The following EXOC6B variants were observed in gnomAD, a reference collection of about 807,000 sequenced individuals.
EXOC6B encodes SEC15 homolog B.
In EXOC6B, 54 loss-of-function variants were observed where a neutral mutation model predicts 113.5. The observed-to-expected ratio is 0.48, with a 90% confidence interval of 0.38 to 0.60. The LOEUF (loss-of-function observed/expected upper bound fraction) is 0.60. Among genes scored for constraint, EXOC6B ranks in the 20% least tolerant of loss-of-function variants. EXOC6B has a pLI of 0.00. For missense variants in EXOC6B, 797 were observed against 977.5 expected (o/e 0.82, Z 2.46); for synonymous variants, 357 against 339.0 (o/e 1.05, Z -0.58).
chr2:72,503,785 G>A (rs1700456280), intron 11 of EXOC6B, among the ~76,000 whole-genome samples: 1 of 152,144 alleles, frequency 6.6e-6, no homozygotes. Context: ...CCTCAAAGCT[G>A]GCTGTACCAT....
At chr2:72,743,144 CAT>C (rs1376982946) in intron 1 of EXOC6B, among the ~76,000 whole-genome samples, 2 of 152,110 alleles carry the variant, frequency 1.3e-5, no homozygotes, top group African/African-American at 4.8e-5. Flanking sequence ...ACCTCCGAAA[CAT>C]GTCTTAACAT....
intron 8 of EXOC6B, among the ~76,000 whole-genome samples, chr2:72,557,486 T>C (rs899975001): frequency 7.2e-5 from 11 of 152,216 alleles, no homozygotes; most frequent in African/African-American, 1.2e-4. Context: ...AATGAGATCA[T>C]GTCTTTTGCA....
intron 6 of EXOC6B, among the ~76,000 whole-genome samples, chr2:72,618,948 C>T (rs1468507816): frequency 5.3e-5 from 8 of 152,300 alleles, no homozygotes; most frequent in Non-Finnish European, 8.8e-5. Flanking sequence ...ATAACAGGAA[C>T]TGATTTAGGA....
chr2:72,650,630 AAAGAG>A (rs1387116863), intron 6 of EXOC6B, among the ~76,000 whole-genome samples: 4 of 151,956 alleles, frequency 2.6e-5, no homozygotes, highest in Non-Finnish European at 5.9e-5. Context: ...AAAGAAAAGA[AAAGAG>A]AAAAGAAAAA....
intron 1 of EXOC6B, among the ~76,000 whole-genome samples, chr2:72,778,331 C>T (rs1029800068): frequency 6.6e-6 from 1 of 152,106 alleles, no homozygotes; most frequent in African/African-American, 2.4e-5. Context: ...AAAAGATTAA[C>T]TGAACAAACC....
intron 18 of EXOC6B, among the ~76,000 whole-genome samples, chr2:72,418,888 CT>C (rs1373763725): frequency 6.6e-6 from 1 of 152,122 alleles, no homozygotes; most frequent in African/African-American, 2.4e-5. Flanking sequence ...CTGTCCCCCC[CT>C]TATTTCCTGC....
At chr2:72,185,869 T>C (rs1049004942) in intron 20 of EXOC6B, among the ~76,000 whole-genome samples, 1 of 152,054 alleles carries the variant, frequency 6.6e-6, no homozygotes, top group Non-Finnish European at 1.5e-5. Flanking sequence ...ATTATGTATA[T>C]CTCCTAATGC....
At chr2:72,734,888 C>A (rs867501679) in intron 2 of EXOC6B, among the ~76,000 whole-genome samples, 1 of 152,142 alleles carries the variant, frequency 6.6e-6, no homozygotes, top group African/African-American at 2.4e-5. Flanking sequence ...AGACACTATA[C>A]CCCATACCTG....
chr2:72,650,037 C>T (rs6740390), intron 6 of EXOC6B, among the ~76,000 whole-genome samples: 1 of 152,058 alleles, frequency 6.6e-6, no homozygotes, highest in Non-Finnish European at 1.5e-5. Flanking sequence ...GCGCGGGGCA[C>T]GACATGAGCA....
rs1698490791 is a variant in EXOC6B at position 72,472,804 on chromosome 2, T to C, written c.1801-7465A>G. Among the ~76,000 whole-genome samples the C allele has an allele frequency of 2.6e-5, 4 of 152,326 alleles. 1 individual carries two copies. In the East Asian group the frequency reaches 5.8e-4, roughly 22 times the overall value. On this transcript the variant is annotated intron_variant, in intron 17 of 21. Transcript: ENST00000272427. ...TATTTGAAATATTTCTGCTTTTTGA[T>C]GTAGGTGCTTATTGCTATGAACTTC...
intron 19 of EXOC6B, among the ~76,000 whole-genome samples, chr2:72,359,972 T>C (rs1690206212): frequency 6.6e-6 from 1 of 152,118 alleles, no homozygotes; most frequent in Non-Finnish European, 1.5e-5. Flanking sequence ...CTATCTACCA[T>C]GAGTAGAAGC....
intron 19 of EXOC6B, among the ~76,000 whole-genome samples, chr2:72,363,801 T>C (rs1038925790): frequency 2.6e-5 from 4 of 152,108 alleles, no homozygotes; most frequent in East Asian, 1.9e-4. Flanking sequence ...AATTTACATA[T>C]GGTAACACTA....
intron 20 of EXOC6B, among the ~76,000 whole-genome samples, chr2:72,314,719 C>G (rs1241719008): frequency 6.6e-6 from 1 of 152,166 alleles, no homozygotes; most frequent in Non-Finnish European, 1.5e-5. Flanking sequence ...ATCAAAAACT[C>G]TTTCTAAAAT....
At chr2:72,595,997 C>A (rs1440410546) in intron 6 of EXOC6B, among the ~76,000 whole-genome samples, 1 of 152,116 alleles carries the variant, frequency 6.6e-6, no homozygotes, top group South Asian at 2.1e-4. Context: ...TACCGCACCA[C>A]AAGTGGTGGA....
intron 1 of EXOC6B, among the ~76,000 whole-genome samples, chr2:72,746,639 T>C (rs1573730380): frequency 6.6e-6 from 1 of 152,238 alleles, no homozygotes; most frequent in East Asian, 1.9e-4. Flanking sequence ...AGAGCCTATA[T>C]TAATTCAAAT....
intron 20 of EXOC6B, among the ~76,000 whole-genome samples, chr2:72,194,402 G>A (rs1374957605): frequency 2.6e-5 from 4 of 152,064 alleles, no homozygotes; most frequent in Admixed American, 6.6e-5. Context: ...ATCCTTCATG[G>A]TATTGTGGTT....
chr2:72,216,616 A>G lies in EXOC6B; in HGVS notation c.2197-32429T>C, dbSNP rs12618185. Among the ~76,000 whole-genome samples, 118 of 152,346 alleles carry G rather than the reference A, an allele frequency of 7.7e-4. 2 individuals carry two copies. The East Asian group carries it at 0.021, about 27-fold the overall frequency. On this transcript the variant is annotated intron_variant, in intron 20 of 21. Transcript: ENST00000272427. ...ACACATGCACACATATGTTTATTGC[A>G]GCACTATTCCAATAGCAAAGACATG...
chr2:72,646,401 A>T (rs1366230045), intron 6 of EXOC6B, among the ~76,000 whole-genome samples: 1 of 152,108 alleles, frequency 6.6e-6, no homozygotes. Context: ...TTTCCTTCTG[A>T]AACTATTCCA....
At chr2:72,678,564 G>A (rs1676472175) in intron 6 of EXOC6B, among the ~76,000 whole-genome samples, 2 of 152,218 alleles carry the variant, frequency 1.3e-5, no homozygotes, top group East Asian at 3.9e-4. Context: ...AAATTAGCCA[G>A]GTATGCTTGC....
Sources: gnomAD v4.1 joint callset for allele counts (sites outside exome capture counted in the v4.1 genomes callset) on GRCh38, gnomAD v4.1.1 for gene constraint, MANE v1.5 for transcripts, NCBI Gene and HGNC (gene_info 2026-07-23, HGNC 2026-07-21) for gene names.